The following SHANK2 variants were observed in gnomAD, a reference collection of about 807,000 sequenced individuals.
SHANK2 encodes SH3 and multiple ankyrin repeat domains 2.
A neutral mutation model predicts 133.7 loss-of-function variants in SHANK2; 43 were observed. The observed-to-expected ratio is 0.32, with a 90% confidence interval of 0.25 to 0.41. The LOEUF is 0.41. Ranked by LOEUF, SHANK2 falls within the 10% of genes least tolerant of loss-of-function variation. The pLI is 1.00. For synonymous variants in SHANK2, 1,017 were observed against 952.8 expected, an observed-to-expected ratio of 1.07 and a Z score of -1.24; for missense variants, 1,994 against 2,235.8, an observed-to-expected ratio of 0.89 and a Z score of 2.18.
intron 14 of SHANK2, among the ~76,000 whole-genome samples, chr11:70,774,851 G>A (rs1260014355): frequency 1.3e-5 from 2 of 152,122 alleles, no homozygotes; most frequent in Non-Finnish European, 2.9e-5. Flanking sequence ...AAACAGGCGA[G>A]GGTTAACCGT....
At chr11:70,475,213 T>C (rs1279520268) in intron 25 of SHANK2, 1 of 152,142 alleles carries the variant, frequency 6.6e-6, no homozygotes, top group Non-Finnish European at 1.5e-5. Context: ...CCTGGGACAC[T>C]GGTGGGCCGT....
intron 4 of SHANK2, among the ~76,000 whole-genome samples, chr11:71,114,455 T>C (rs1555099955): frequency 6.6e-6 from 1 of 152,184 alleles, no homozygotes; most frequent in African/African-American, 2.4e-5. Flanking sequence ...CTAGTCTCCT[T>C]TCTCCACCAC....
chr11:71,071,984 C>T (rs911810007), intron 9 of SHANK2, among the ~76,000 whole-genome samples: 7 of 152,176 alleles, frequency 4.6e-5, no homozygotes, highest in African/African-American at 1.4e-4. Context: ...TCCCAGCCCA[C>T]GCTGCTCTGC....
chr11:71,076,276 C>T (rs1177313777), intron 8 of SHANK2, among the ~76,000 whole-genome samples: 2 of 151,882 alleles, frequency 1.3e-5, no homozygotes, highest in South Asian at 2.1e-4. Context: ...TGAGCCCCAC[C>T]AAGGGCAGGC....
intron 17 of SHANK2, among the ~76,000 whole-genome samples, chr11:70,509,339 C>T (rs1290023749): frequency 3.0e-4 from 46 of 152,254 alleles, no homozygotes; most frequent in Admixed American, 3.0e-3. Flanking sequence ...GATTGGGCCA[C>T]AGTCTTGGCT....
At chr11:71,094,758 G>A in intron 6 of SHANK2, 70 bp from the exon 7 acceptor site, 1 of 1,465,418 alleles carries the variant, frequency 6.8e-7, no homozygotes, top group East Asian at 2.5e-5. Context: ...ATATTCAGAT[G>A]CCCAAAACTA....
chr11:70,516,270 A>G lies in SHANK2; in HGVS notation c.2062-13339T>C, dbSNP rs548089434. Reference sequence around the variant, plus strand: ...ATCAAGGCAGCGGGGTACTGGTGAAAGAACAGACAAATAGACCAATGATCA... The same window carrying G: ...ATCAAGGCAGCGGGGTACTGGTGAAGGAACAGACAAATAGACCAATGATCA... On this transcript the variant is annotated intron_variant, in intron 17 of 25. Transcript: ENST00000601538. Among the ~76,000 whole-genome samples the G allele has an allele frequency of 4.9e-4, 75 of 152,386 alleles. 1 individual carries two copies. The South Asian group carries it at 0.015, about 31-fold the overall frequency.
At chr11:70,905,875 G>A (rs3020093) in intron 10 of SHANK2, among the ~76,000 whole-genome samples, 40,655 of 149,246 alleles carry the variant, frequency 0.27, 7,021 homozygotes, top group African/African-American at 0.49. Flanking sequence ...GCAGTGGCAC[G>A]ATCTCCAGTC....
chr11:70,954,571 C>T (rs916382352), intron 10 of SHANK2, among the ~76,000 whole-genome samples: 4 of 152,220 alleles, frequency 2.6e-5, no homozygotes, highest in East Asian at 1.9e-4. Context: ...TCGGGAGATC[C>T]GCCCTCACTT....
chr11:70,869,455 G>A (rs530799535), intron 11 of SHANK2, among the ~76,000 whole-genome samples: 1 of 152,356 alleles, frequency 6.6e-6, no homozygotes, highest in Non-Finnish European at 1.5e-5. Context: ...ATACCAGAGT[G>A]ATTAATGCTT....
intron 2 of SHANK2, among the ~76,000 whole-genome samples, chr11:71,155,979 T>C (rs1952900700): frequency 6.6e-6 from 1 of 152,172 alleles, no homozygotes. Context: ...AAGGCTGGTG[T>C]CTTTTTATCA....
chr11:71,185,881 A>G (rs1953659992), intron 2 of SHANK2, among the ~76,000 whole-genome samples: 1 of 152,172 alleles, frequency 6.6e-6, no homozygotes, highest in Non-Finnish European at 1.5e-5. Context: ...GGGTGGGGAA[A>G]GAACAGCAAC....
intron 17 of SHANK2, among the ~76,000 whole-genome samples, chr11:70,616,997 C>T (rs1247350970): frequency 6.6e-6 from 1 of 151,774 alleles, no homozygotes; most frequent in Non-Finnish European, 1.5e-5. Flanking sequence ...TTGTGTGTCA[C>T]TGTGTGTCAC....
At chr11:70,595,212 G>C (rs2060383090) in intron 17 of SHANK2, among the ~76,000 whole-genome samples, 1 of 152,146 alleles carries the variant, frequency 6.6e-6, no homozygotes. Context: ...TGGCCCTCCA[G>C]GCAGCTTTGG....
chr11:70,518,452 G>C (rs1424864339), intron 17 of SHANK2, among the ~76,000 whole-genome samples: 4 of 152,228 alleles, frequency 2.6e-5, no homozygotes, highest in African/African-American at 7.2e-5. Context: ...TCATGGCTCA[G>C]GCTCCCTGAG....
At chr11:70,553,776 G>C (rs1158783582) in intron 17 of SHANK2, among the ~76,000 whole-genome samples, 29 of 152,222 alleles carry the variant, frequency 1.9e-4, no homozygotes, top group African/African-American at 6.3e-4. Context: ...TGATCTGCGT[G>C]ACATAGGGTT....
At chr11:70,945,284 G>A (rs373542361) in intron 10 of SHANK2, among the ~76,000 whole-genome samples, 2 of 152,166 alleles carry the variant, frequency 1.3e-5, no homozygotes, top group East Asian at 1.9e-4. Context: ...GGGTGAGCAT[G>A]TGTTTCCTGT....
chr11:70,616,434 A>G (rs1430015834), intron 17 of SHANK2, among the ~76,000 whole-genome samples: 2 of 152,112 alleles, frequency 1.3e-5, no homozygotes, highest in African/African-American at 2.4e-5. Flanking sequence ...TGAGCTGAGC[A>G]GAGGATGTGA....
At chr11:70,863,403 C>A (rs782079496) in intron 11 of SHANK2, 4 of 457,838 alleles carry the variant, frequency 8.7e-6, no homozygotes, top group South Asian at 4.6e-5. Context: ...TCTGGACGAG[C>A]CCCAAGCATC....
Sources: gnomAD v4.1 joint callset for allele counts (sites outside exome capture counted in the v4.1 genomes callset) on GRCh38, gnomAD v4.1.1 for gene constraint, MANE v1.5 for transcripts, NCBI Gene and HGNC (gene_info 2026-07-23, HGNC 2026-07-21) for gene names.